DPP10: variants seen among roughly 807,000 people sequenced by gnomAD.
The protein encoded by DPP10 is dipeptidyl peptidase like 10, also known as inactive dipeptidyl peptidase 10.
In DPP10, 33 loss-of-function variants were observed where a neutral mutation model predicts 120.9. The ratio of observed to expected loss-of-function variants is 0.27; its 90% CI spans 0.21 to 0.37. The LOEUF (loss-of-function observed/expected upper bound fraction) is 0.37, where lower values mean the gene tolerates loss of function less well. Among genes scored for constraint, DPP10 ranks in the 10% least tolerant of loss-of-function variants. The probability of loss-of-function intolerance (pLI) is 1.00; values close to 1 mark genes in which losing one functional copy is unlikely to be tolerated. For synonymous variants in DPP10, 337 were observed against 326.1 expected (o/e 1.03, Z -0.36); for missense variants, 816 against 942.8 (o/e 0.87, Z 1.76).
At chr2:114,558,171 C>T (rs1199946602) in intron 1 of DPP10, among the ~76,000 whole-genome samples, 10 of 152,178 alleles carry the variant, frequency 6.6e-5, no homozygotes, top group Non-Finnish European at 1.5e-4. Context: ...ATAGTGAAGA[C>T]AGAGTGCCCG....
intron 1 of DPP10, among the ~76,000 whole-genome samples, chr2:114,471,463 AGAATTTT>A (rs1679905431): frequency 6.6e-6 from 1 of 152,202 alleles, no homozygotes; most frequent in African/African-American, 2.4e-5. Context: ...CCATCTCCTT[AGAATTTT>A]GCTTCCCTTT....
chr2:114,845,317 A>T (rs1258609274), intron 1 of DPP10, among the ~76,000 whole-genome samples: 1 of 152,210 alleles, frequency 6.6e-6, no homozygotes, highest in Non-Finnish European at 1.5e-5. Flanking sequence ...TGATTACTTC[A>T]TAATATGCAT....
intron 3 of DPP10, among the ~76,000 whole-genome samples, chr2:115,438,110 G>A (rs1430478798): frequency 6.6e-6 from 1 of 151,944 alleles, no homozygotes; most frequent in Admixed American, 6.6e-5. Context: ...TTAAAAAATG[G>A]TGAGAGTAAG....
intron 5 of DPP10, among the ~76,000 whole-genome samples, chr2:115,653,996 A>G (rs561195324): frequency 7.9e-5 from 12 of 152,008 alleles, no homozygotes; most frequent in African/African-American, 2.9e-4. Flanking sequence ...TGACTTTCCT[A>G]AGAACTCTTT....
At chr2:114,959,416 G>T (rs1024377582) in intron 1 of DPP10, among the ~76,000 whole-genome samples, 1 of 151,966 alleles carries the variant, frequency 6.6e-6, no homozygotes, top group Non-Finnish European at 1.5e-5. Context: ...TGGTCTTTTT[G>T]TTTTCAAAGA....
Position 114,859,196 on chromosome 2 carries a change from CAAA to C in DPP10, c.60+416359_60+416361del, listed in dbSNP as rs1558815986. ...AAAAAAGAAAAAAAGAACAAACAAA[CAAA>C]CAAAAAAACCCCACAGAATTAGCCA... On this transcript the variant is annotated intron_variant, in intron 1 of 25. Coordinates refer to ENST00000410059, the MANE Select transcript of DPP10 (RefSeq NM_020868.6). Among the ~76,000 whole-genome samples the C allele has an allele frequency of 3.2e-3, 480 of 150,802 alleles. 1 individual carries two copies. The highest frequency in any genetic ancestry group is 0.011 in the African/African-American group (466 of 41,170).
intron 1 of DPP10, among the ~76,000 whole-genome samples, chr2:115,074,447 T>A (rs1707625523): frequency 6.6e-6 from 1 of 152,212 alleles, no homozygotes; most frequent in Non-Finnish European, 1.5e-5. Flanking sequence ...GCCACACGTA[T>A]GAAATTGTCT....
rs926276134 is a variant in DPP10 at position 115,269,021 on chromosome 2, C to T, written c.61-40218C>T. Among the ~76,000 whole-genome samples, 10 of 152,246 alleles carry T rather than the reference C, an allele frequency of 6.6e-5. No homozygotes were observed. The South Asian group carries it at 1.9e-3, about 28-fold the overall frequency. ...AATTAGCTGGGCGTGGTGGCACGCA[C>T]CTGTAGTCCCACCTACTCAGGAGGC... On this transcript the variant is annotated intron_variant, in intron 1 of 25. Transcript: ENST00000410059.
intron 1 of DPP10, among the ~76,000 whole-genome samples, chr2:114,514,330 GT>G (rs776640454): frequency 5.3e-5 from 8 of 152,170 alleles, no homozygotes; most frequent in East Asian, 3.8e-4. Flanking sequence ...GAGAGCTTAA[GT>G]GATTAGAAGC....
At chr2:115,534,730 G>T (rs1442506061) in intron 5 of DPP10, among the ~76,000 whole-genome samples, 1 of 149,824 alleles carries the variant, frequency 6.7e-6, no homozygotes, top group Non-Finnish European at 1.5e-5. Flanking sequence ...CCCACCAACA[G>T]TGTAAAAGTG....
chr2:115,381,604 G>T (rs538800972), intron 3 of DPP10, among the ~76,000 whole-genome samples: 1 of 152,172 alleles, frequency 6.6e-6, no homozygotes, highest in African/African-American at 2.4e-5. Flanking sequence ...GAGGAACTGC[G>T]TTCCTTTGGA....
intron 3 of DPP10, among the ~76,000 whole-genome samples, chr2:115,489,985 C>T (rs2076015181): frequency 6.6e-6 from 1 of 152,146 alleles, no homozygotes; most frequent in Admixed American, 6.6e-5. Context: ...CTTCTGACTT[C>T]AAATATTTAG....
At chr2:115,731,042 T>C (rs2092895168) in intron 8 of DPP10, among the ~76,000 whole-genome samples, 2 of 152,096 alleles carry the variant, frequency 1.3e-5, no homozygotes, top group South Asian at 2.1e-4. Flanking sequence ...CTGGGCAATA[T>C]GGCAAAATCC....
intron 1 of DPP10, among the ~76,000 whole-genome samples, chr2:115,240,834 T>A (rs1308666401): frequency 6.6e-6 from 1 of 152,210 alleles, no homozygotes; most frequent in Non-Finnish European, 1.5e-5. Context: ...AAACAAAATA[T>A]TTACAGTTCA....
intron 1 of DPP10, among the ~76,000 whole-genome samples, chr2:115,206,483 G>C (rs1192558226): frequency 1.3e-5 from 2 of 152,150 alleles, no homozygotes; most frequent in African/African-American, 2.4e-5. Context: ...AAAAACATTT[G>C]ATTTTGCTTA....
intron 3 of DPP10, among the ~76,000 whole-genome samples, chr2:115,385,723 T>C (rs1299243979): frequency 6.6e-6 from 1 of 152,208 alleles, no homozygotes; most frequent in Non-Finnish European, 1.5e-5. Flanking sequence ...CAATTTTTCC[T>C]GAGTCTTTGA....
At chr2:115,636,650 A>G (rs993027887) in intron 5 of DPP10, among the ~76,000 whole-genome samples, 20 of 152,102 alleles carry the variant, frequency 1.3e-4, no homozygotes, top group African/African-American at 4.1e-4. Flanking sequence ...GAAATGAAGT[A>G]TATATGGAAA....
intron 1 of DPP10, among the ~76,000 whole-genome samples, chr2:114,741,038 C>T (rs1227885279): frequency 6.6e-6 from 1 of 152,084 alleles, no homozygotes; most frequent in Admixed American, 6.6e-5. Flanking sequence ...ATATTTGTGG[C>T]ATTTATGTTA....
At position 115,422,770 on chromosome 2, in the gene DPP10, T is replaced by G. The variant is rs72840791; in HGVS notation, c.272-76740T>G. ...TAAGGATGAAATAAAACTATATAAA[T>G]TTGTCCATGTCCCCATGAGTTTCTC... On this transcript the variant is annotated intron_variant, in intron 3 of 25. Coordinates refer to ENST00000410059, the MANE Select transcript of DPP10 (RefSeq NM_020868.6). Among the ~76,000 whole-genome samples, 948 of 152,282 alleles carry G rather than the reference T, an allele frequency of 6.2e-3. 4 individuals carry two copies. The highest frequency in any genetic ancestry group is 9.9e-3 in the Non-Finnish European group (676 of 68,010).
Sources: allele counts gnomAD v4.1 joint callset (sites outside exome capture counted in the v4.1 genomes callset), GRCh38; gene constraint gnomAD v4.1.1; transcripts MANE v1.5; gene names NCBI Gene and HGNC (gene_info 2026-07-23, HGNC 2026-07-21).